KYNU: variants seen among roughly 807,000 people sequenced by gnomAD.
KYNU encodes the protein L-kynurenine hydrolase.
KYNU carries 54 observed loss-of-function variants against 59.2 expected under a neutral mutation model. The observed-to-expected ratio is 0.91, with a 90% CI of 0.73 to 1.14. The LOEUF (loss-of-function observed/expected upper bound fraction) is 1.14, where lower values mean the gene tolerates loss of function less well. Among genes scored for constraint, KYNU ranks in the 50% most tolerant of loss-of-function variants. KYNU has a pLI of 0.00. For synonymous variants in KYNU, 177 were observed against 192.0 expected (o/e 0.92, Z 0.65); for missense variants, 567 against 554.4 (o/e 1.02, Z -0.23).
intron 10 of KYNU, among the ~76,000 whole-genome samples, chr2:143,023,588 G>A (rs992789873): frequency 6.6e-6 from 1 of 151,730 alleles, no homozygotes; most frequent in Non-Finnish European, 1.5e-5. Context: ...TGTTGGTGTG[G>A]TATTGTGTTA....
At chr2:142,887,268 T>C (rs908949497) in intron 2 of KYNU, among the ~76,000 whole-genome samples, 3 of 152,130 alleles carry the variant, frequency 2.0e-5, no homozygotes, top group Non-Finnish European at 2.9e-5. Flanking sequence ...CTCACACCCT[T>C]TTCTATGACT....
intron 8 of KYNU, among the ~76,000 whole-genome samples, chr2:142,970,960 C>A (rs1684701832): frequency 6.6e-6 from 1 of 152,126 alleles, no homozygotes; most frequent in Non-Finnish European, 1.5e-5. Context: ...TTCCTCTATT[C>A]CCAGTCAACC....
Position 142,985,942 on chromosome 2 carries a change from A to G in KYNU, c.829-6A>G, listed in dbSNP as rs772937870. The G allele has an allele frequency of 6.3e-7, 1 of 1,587,358 alleles. No homozygotes were observed. The highest frequency in any genetic ancestry group is 8.6e-7 in the Non-Finnish European group (1 of 1,156,940). ...ACCCACATAATTTAATTTATTTTCA[A>G]TCTAGTATTTAAATGCAGGAGCAGG... On this transcript the variant is annotated splice_polypyrimidine_tract_variant and splice_region_variant and intron_variant, in intron 9 of 13. Transcript: ENST00000264170.
At chr2:142,939,602 C>CAAAAAAAAAAA (rs71301737) in intron 4 of KYNU, among the ~76,000 whole-genome samples, 240 of 64,836 alleles carry the variant, frequency 3.7e-3, no homozygotes, top group Non-Finnish European at 4.8e-3. Context: ...CTCCATCTCA[C>CAAAAAAAAAAA]AAAAAAAAAA....
chr2:142,957,648 T>C lies in KYNU; in HGVS notation c.515T>C (p.Ile172Thr), dbSNP rs1648897877. ...AKAFPSDHYA[I>T]ESQLQLHGLN... ...ATCATCTTTCCTTTTTAGTATGCTATTGAGTCACAACTACAACTTCACGGA... is the reference window on the plus strand; with the variant it reads ...ATCATCTTTCCTTTTTAGTATGCTACTGAGTCACAACTACAACTTCACGGA... Residue 172 changes from isoleucine (I) to threonine (T), a missense_variant, in exon 7 of 14, where the codon ATT becomes ACT. Physicochemically the swap from Ile to Thr is moderately conservative, Grantham distance 89. Transcript: ENST00000264170. The C allele has an allele frequency of 6.3e-7, 1 of 1,593,990 alleles. No individual in the cohort carries two copies. The highest frequency in any genetic ancestry group is 8.6e-7 in the Non-Finnish European group (1 of 1,162,068).
intron 2 of KYNU, among the ~76,000 whole-genome samples, chr2:142,891,776 A>C (rs1431353006): frequency 6.6e-6 from 1 of 152,232 alleles, no homozygotes; most frequent in African/African-American, 2.4e-5. Flanking sequence ...AGATAAAGAT[A>C]TGTTAAATAA....
Position 143,046,795 on chromosome 2 carries a change from A to G in KYNU, c.*4623A>G, listed in dbSNP as rs1308511485. On this transcript the variant is annotated 3_prime_UTR_variant, in exon 14 of 14. Coordinates refer to ENST00000264170, the MANE Select transcript of KYNU (RefSeq NM_003937.3). The stretch of plus-strand genomic sequence containing the variant: ...CCCCCTACTTTTTTTATATTTTTGA[A>G]TACATCTAAATAAATTTAGAATAAA... The G allele has an allele frequency of 1.3e-5, 2 of 152,016 alleles. No homozygotes were observed. The highest frequency in any genetic ancestry group is 2.1e-4 in the South Asian group (1 of 4,818). The allele number at this position is 152,016 out of a possible 1,614,324, so 9.4% of individuals were successfully genotyped here.
At chr2:142,962,116 TA>T (rs200798211) in intron 8 of KYNU, among the ~76,000 whole-genome samples, 1 of 152,168 alleles carries the variant, frequency 6.6e-6, no homozygotes, top group South Asian at 2.1e-4. Flanking sequence ...GGGAGGCCAA[TA>T]AAAAATCATA....
chr2:142,960,766 C>G lies in KYNU; in HGVS notation c.725C>G (p.Ala242Gly), dbSNP rs141632644. The change falls in exon 8 of 14, where the codon GCG becomes GGG. Residue 242 changes from alanine (A) to glycine (G), a missense_variant. Physicochemically the swap from Ala to Gly is moderately conservative, Grantham distance 60. Coordinates refer to ENST00000264170, the MANE Select transcript of KYNU (RefSeq NM_003937.3). Reference sequence around the variant, plus strand: ...CCTGCCATCACAAAAGCTGGACAAGCGAAGGTATGCACGCCATTTACTTCT... The same window carrying G: ...CCTGCCATCACAAAAGCTGGACAAGGGAAGGTATGCACGCCATTTACTTCT... ...NIPAITKAGQ[A>G]KGCYVGFDLA... The G allele has an allele frequency of 1.9e-6, 3 of 1,613,604 alleles. No individual in the cohort carries two copies. Among genetic ancestry groups the G allele is most frequent in the African/African-American group, 1.3e-5 (1 of 74,782 alleles).
At chr2:142,936,363 G>A (rs938280804) in intron 4 of KYNU, among the ~76,000 whole-genome samples, 10 of 152,116 alleles carry the variant, frequency 6.6e-5, no homozygotes, top group Admixed American at 3.3e-4. Context: ...AAAAAAAGAC[G>A]GGGCACTTAG....
intron 8 of KYNU, among the ~76,000 whole-genome samples, chr2:142,971,941 C>T (rs1045108449): frequency 3.3e-5 from 5 of 152,126 alleles, no homozygotes; most frequent in East Asian, 1.9e-4. Context: ...CAGACTGCTC[C>T]GTTAAGTCAT....
At chr2:142,880,272 G>GTCT (rs1681247702) in intron 1 of KYNU, among the ~76,000 whole-genome samples, 1 of 152,208 alleles carries the variant, frequency 6.6e-6, no homozygotes, top group African/African-American at 2.4e-5. Context: ...TAATCTGATA[G>GTCT]TAAGGCAGAA....
intron 10 of KYNU, among the ~76,000 whole-genome samples, chr2:143,000,087 A>C (rs934054585): frequency 1.3e-5 from 2 of 152,206 alleles, no homozygotes; most frequent in Non-Finnish European, 2.9e-5. Flanking sequence ...AATTAGTGAC[A>C]GTCCGAAATA....
At chr2:143,010,849 G>T (rs975984007) in intron 10 of KYNU, among the ~76,000 whole-genome samples, 1 of 144,930 alleles carries the variant, frequency 6.9e-6, no homozygotes, top group African/African-American at 2.6e-5. Context: ...TGGGAAAACT[G>T]GCTAGCCATA....
intron 12 of KYNU, 143 bp downstream of exon 12, chr2:143,033,464 CT>C: frequency 1.3e-6 from 1 of 766,656 alleles, no homozygotes. Context: ...CAGCATTCCC[CT>C]TTAGGACAGT....
At chr2:142,995,659 G>T (rs1468093469) in intron 10 of KYNU, among the ~76,000 whole-genome samples, 1 of 152,064 alleles carries the variant, frequency 6.6e-6, no homozygotes, top group Non-Finnish European at 1.5e-5. Context: ...GGGACCAGTT[G>T]CTGGCATCAA....
chr2:143,023,416 C>G (rs1686462624), intron 10 of KYNU, among the ~76,000 whole-genome samples: 2 of 151,788 alleles, frequency 1.3e-5, no homozygotes, highest in African/African-American at 4.8e-5. Context: ...CTTTTGAAAG[C>G]TATAATCTTT....
intron 4 of KYNU, among the ~76,000 whole-genome samples, chr2:142,940,760 C>T (rs545738184): frequency 1.2e-3 from 178 of 152,332 alleles, no homozygotes; most frequent in Admixed American, 1.8e-3. Context: ...AAGACTGCCG[C>T]CACTTCAGAT....
intron 12 of KYNU, among the ~76,000 whole-genome samples, chr2:143,036,442 A>G (rs1283822817): frequency 6.6e-6 from 1 of 152,172 alleles, no homozygotes; most frequent in Non-Finnish European, 1.5e-5. Flanking sequence ...TAACAAAGGA[A>G]GGAGGAAGTA....
Sources: gnomAD v4.1 joint callset for allele counts (sites outside exome capture counted in the v4.1 genomes callset) on GRCh38, gnomAD v4.1.1 for gene constraint, MANE v1.5 for transcripts, NCBI Gene and HGNC (gene_info 2026-07-23, HGNC 2026-07-21) for gene names.